Variants in GPHN observed in about 807,000 individuals in gnomAD.
The protein encoded by GPHN is gephyrin.
In GPHN, 17 loss-of-function variants were observed where a neutral mutation model predicts 95.5. The observed-to-expected ratio is 0.18, with a 90% CI of 0.12 to 0.27. The LOEUF is 0.27. Ranked by LOEUF, GPHN falls within the 10% of genes least tolerant of loss-of-function variation. GPHN has a pLI of 1.00. For missense variants in GPHN, 660 were observed against 978.1 expected (o/e 0.67, Z 4.34); for synonymous variants, 320 against 322.5 (o/e 0.99, Z 0.08).
chr14:67,654,214 AC>A, the GPHN span, among the ~76,000 whole-genome samples: 1 of 151,916 alleles, frequency 6.6e-6, no homozygotes, highest in East Asian at 1.9e-4. Flanking sequence ...TCAAGCAATA[AC>A]CCCACATGTC....
At chr14:67,553,466 A>T in the GPHN span, among the ~76,000 whole-genome samples, 19 of 152,280 alleles carry the variant, frequency 1.2e-4, 1 homozygote, top group South Asian at 3.5e-3. Flanking sequence ...AACTGAAGGA[A>T]CTATCCAGCA....
At chr14:67,474,265 C>CAA in the GPHN span, among the ~76,000 whole-genome samples, 13,553 of 144,662 alleles carry the variant, frequency 0.094, 836 homozygotes, top group African/African-American at 0.17. Context: ...AAAAACAAAA[C>CAA]AAAAAAAAAA....
At chr14:67,203,033 G>A in the GPHN span, 5 of 1,546,696 alleles carry the variant, frequency 3.2e-6, no homozygotes, top group Non-Finnish European at 4.4e-6. Context: ...TCTCAGGCAA[G>A]CAAGGTTGTC....
chr14:67,320,919 T>C, the GPHN span: 2 of 697,776 alleles, frequency 2.9e-6, no homozygotes. Context: ...ATGTTAAACA[T>C]GTAGGCACTT....
At chr14:66,849,551 A>G (rs909433666) in intron 4 of GPHN, among the ~76,000 whole-genome samples, 6 of 152,058 alleles carry the variant, frequency 3.9e-5, no homozygotes, top group African/African-American at 1.4e-4. Context: ...CCAATCTGGT[A>G]GGTGAAAAAT....
intron 2 of GPHN, among the ~76,000 whole-genome samples, chr14:66,773,488 G>T (rs1199661619): frequency 6.6e-6 from 1 of 151,748 alleles, no homozygotes; most frequent in Non-Finnish European, 1.5e-5. Context: ...TGAGTAGCTG[G>T]GATTACGGGT....
At chr14:67,089,939 A>G (rs2077079495) in intron 12 of GPHN, among the ~76,000 whole-genome samples, 1 of 152,132 alleles carries the variant, frequency 6.6e-6, no homozygotes, top group East Asian at 1.9e-4. Context: ...TTGTTTTTCC[A>G]TGTACAACAT....
At chr14:66,556,419 T>C (rs1594949500) in intron 1 of GPHN, among the ~76,000 whole-genome samples, 2 of 152,332 alleles carry the variant, frequency 1.3e-5, no homozygotes, top group East Asian at 1.9e-4. Context: ...ATGTCGTTAA[T>C]GGTTTTTCCA....
At chr14:66,737,647 T>C (rs1457652789) in intron 2 of GPHN, among the ~76,000 whole-genome samples, 2 of 152,230 alleles carry the variant, frequency 1.3e-5, no homozygotes, top group South Asian at 2.1e-4. Flanking sequence ...ACCAAGGCTG[T>C]AGGCCACACA....
the GPHN span, chr14:67,695,570 A>C: frequency 2.6e-6 from 4 of 1,523,346 alleles, no homozygotes; most frequent in Non-Finnish European, 3.6e-6. Flanking sequence ...TGGGGATTCT[A>C]TGTTTCCCTC....
At chr14:67,278,846 A>G in the GPHN span, among the ~76,000 whole-genome samples, 341 of 152,218 alleles carry the variant, frequency 2.2e-3, 1 homozygote, top group African/African-American at 7.8e-3. Flanking sequence ...GGAGGGGGGA[A>G]TCTTGATTTC....
chr14:67,220,524 A>C, the GPHN span, among the ~76,000 whole-genome samples: 1 of 152,152 alleles, frequency 6.6e-6, no homozygotes, highest in African/African-American at 2.4e-5. Flanking sequence ...TAAATTGAGC[A>C]TCTTAAATCT....
chr14:67,144,271 A>T (rs1465781245), intron 18 of GPHN, among the ~76,000 whole-genome samples: 1 of 125,832 alleles, frequency 7.9e-6, no homozygotes, highest in South Asian at 2.6e-4. Flanking sequence ...ATATATATAT[A>T]TATATATATA....
Position 66,924,266 on chromosome 14 carries a change from T to TG in GPHN, c.802_803insG (p.Tyr268Ter), listed in dbSNP as rs1214630241. Residue 268 changes from tyrosine (Y) to a stop codon, truncating the protein, a stop_gained and frameshift_variant, in exon 8 of 23, where the codon TAT (tyrosine) becomes TGAT (stop). Coordinates refer to ENST00000478722, the MANE Select transcript of GPHN (RefSeq NM_020806.5). LOFTEE classifies it high-confidence loss of function. ...ACAGCCCATCCCTGGTCTCATCAAT[T>TG]ATTCCCATCATTCAACAGATGAACG... is the stretch of plus-strand genomic sequence containing the variant. ...GEQPIPGLIN[Y>*]SHHSTDERIP... 5 of 1,607,728 alleles carry TG rather than the reference T, an allele frequency of 3.1e-6. No individual in the cohort carries two copies. Among genetic ancestry groups the TG allele is most frequent in the Non-Finnish European group, 3.4e-6 (4 of 1,174,250 alleles).
At chr14:66,911,169 G>C (rs573542493) in intron 5 of GPHN, among the ~76,000 whole-genome samples, 3 of 152,030 alleles carry the variant, frequency 2.0e-5, no homozygotes, top group Non-Finnish European at 2.9e-5. Flanking sequence ...AGTCACAAAA[G>C]GTGACATATT....
chr14:67,072,352 C>G (rs1237396588), intron 11 of GPHN, among the ~76,000 whole-genome samples: 1 of 151,934 alleles, frequency 6.6e-6, no homozygotes, highest in Non-Finnish European at 1.5e-5. Context: ...AAAGAGAAAA[C>G]CTTAGGTGAC....
chr14:66,954,327 G>A (rs184566369), intron 8 of GPHN, among the ~76,000 whole-genome samples: 2 of 151,992 alleles, frequency 1.3e-5, no homozygotes, highest in African/African-American at 4.8e-5. Context: ...TGTAATTTTT[G>A]ATATACAGGT....
At chr14:66,563,486 G>A (rs2060347707) in intron 1 of GPHN, among the ~76,000 whole-genome samples, 2 of 152,028 alleles carry the variant, frequency 1.3e-5, no homozygotes, top group Non-Finnish European at 2.9e-5. Flanking sequence ...TTGTGGGGCT[G>A]GTTTTATGCT....
At chr14:67,378,528 G>A in the GPHN span, among the ~76,000 whole-genome samples, 3 of 152,214 alleles carry the variant, frequency 2.0e-5, no homozygotes, top group East Asian at 3.9e-4. Flanking sequence ...GTATTCAAAC[G>A]CGTGCATTCT....
Sources: gnomAD v4.1 joint callset for allele counts (sites outside exome capture counted in the v4.1 genomes callset) on GRCh38, gnomAD v4.1.1 for gene constraint, MANE v1.5 for transcripts, NCBI Gene and HGNC (gene_info 2026-07-23, HGNC 2026-07-21) for gene names.